FANCD2OS: variants seen among roughly 807,000 people sequenced by gnomAD.
The protein encoded by FANCD2OS is FANCD2 opposite strand, also known as FANCD2 opposite strand protein.
In FANCD2OS, 11 loss-of-function variants were observed where a neutral mutation model predicts 13.2. That is an observed-to-expected ratio of 0.83 (90% CI 0.52 to 1.38). The LOEUF (loss-of-function observed/expected upper bound fraction) is 1.38, where lower values mean the gene tolerates loss of function less well. Ranked by LOEUF, FANCD2OS falls within the 40% of genes most tolerant of loss-of-function variation. The pLI is 0.00. For synonymous variants in FANCD2OS, 69 were observed against 84.5 expected, an observed-to-expected ratio of 0.82 and a Z score of 1.01; for missense variants, 217 against 213.9, an observed-to-expected ratio of 1.01 and a Z score of -0.09.
chr3:10,088,624 AC>A (rs1694384879), intron 2 of FANCD2OS: 1 of 1,155,636 alleles, frequency 8.7e-7, no homozygotes, highest in African/African-American at 1.5e-5. Context: ...TGGACAAATG[AC>A]CTTTTTAGTG....
chr3:10,082,982 T>G (rs535838160), intron 2 of FANCD2OS, among the ~76,000 whole-genome samples: 1 of 152,272 alleles, frequency 6.6e-6, no homozygotes, highest in East Asian at 1.9e-4. Context: ...ATCCCAACAC[T>G]TTGGGAGGCC....
chr3:10,093,325 TGA>T, intron 2 of FANCD2OS: 1 of 1,610,864 alleles, frequency 6.2e-7, no homozygotes, highest in Non-Finnish European at 8.5e-7. Context: ...TGTTTGAAGG[TGA>T]GAGATTTACT....
downstream of FANCD2OS, chr3:10,101,633 T>G (rs1695306821): frequency 3.1e-6 from 1 of 321,468 alleles, no homozygotes; most frequent in African/African-American, 2.1e-5. Flanking sequence ...TCCACCTGCC[T>G]CAGCCTCCCA....
chr3:10,101,335 C>A, downstream of FANCD2OS: 1 of 1,091,340 alleles, frequency 9.2e-7, no homozygotes, highest in South Asian at 1.2e-5. Context: ...GTTTGAAATC[C>A]GCTGTTTGCC....
At chr3:10,098,624 A>G, downstream of FANCD2OS, 1 of 1,473,154 alleles carries the variant, frequency 6.8e-7, no homozygotes, top group Non-Finnish European at 9.3e-7. Context: ...TGGCTAAAAT[A>G]TCTTCCTTTG....
intron 2 of FANCD2OS, among the ~76,000 whole-genome samples, chr3:10,083,905 AAAG>A (rs1559401232): frequency 6.6e-6 from 1 of 151,286 alleles, no homozygotes; most frequent in African/African-American, 2.4e-5. Context: ...AAAAAAAAAA[AAAG>A]GTATGTCCAC....
rs545110166 is a variant in FANCD2OS at position 10,097,705 on chromosome 3, C to G, written c.*43+6493G>C. On this transcript the variant is annotated intron_variant, in intron 2 of 2. Transcript: ENST00000524279. ...GTCCTGAGACTATATACCTCCTTCT[C>G]GGCTGACAGGATTAAGACATTAAAG... Among the ~76,000 whole-genome samples the G allele has an allele frequency of 2.0e-5, 3 of 152,234 alleles. No homozygotes were observed. The South Asian group carries it at 6.2e-4, about 32-fold the overall frequency.
At chr3:10,092,225 CT>C in intron 2 of FANCD2OS, 1 of 1,613,814 alleles carries the variant, frequency 6.2e-7, no homozygotes, top group Non-Finnish European at 8.5e-7. Context: ...CTGTTCGAGA[CT>C]TCAGTATCCT....
At position 10,104,238 on chromosome 3, in the gene FANCD2OS, C is replaced by G. The variant is rs755309133; in HGVS notation, c.*3G>C. ...GAGTAAATGGGGATCAAATGAGGAC[C>G]CTTTACTTGGAGTGCTGCAAGGCAA... On this transcript the variant is annotated 3_prime_UTR_variant, in exon 2 of 2. Coordinates refer to ENST00000450660, the MANE Select transcript of FANCD2OS (RefSeq NM_001164839.2). 8 of 1,598,840 alleles carry G rather than the reference C, an allele frequency of 5.0e-6. No homozygotes were observed. In the South Asian group the frequency reaches 7.9e-5, roughly 16 times the overall value.
At chr3:10,094,939 A>G (rs527934206) in intron 2 of FANCD2OS, 1 of 500,204 alleles carries the variant, frequency 2.0e-6, no homozygotes, top group East Asian at 3.5e-5. Context: ...TGCAGATGGG[A>G]AAACTGAGAC....
At chr3:10,082,546 A>G (rs889607830) in intron 2 of FANCD2OS, among the ~76,000 whole-genome samples, 1 of 152,048 alleles carries the variant, frequency 6.6e-6, no homozygotes, top group Non-Finnish European at 1.5e-5. Context: ...TCCACTTATT[A>G]TGTTATACTC....
chr3:10,090,269 C>T lies in FANCD2OS; in HGVS notation c.*44-8738G>A, dbSNP rs530863250. Reference sequence around the variant, plus strand: ...TAAGCAGTGCATCATGGTGTGGGCACGCATGCTTTTCCCGTCTTCTAGGCA... The same window carrying T: ...TAAGCAGTGCATCATGGTGTGGGCATGCATGCTTTTCCCGTCTTCTAGGCA... On this transcript the variant is annotated intron_variant, in intron 2 of 2. Transcript: ENST00000524279. 1.9e-5 allele frequency: 30 copies of T among 1,561,714 alleles called. No homozygotes were observed. In the South Asian group the frequency reaches 2.9e-4, roughly 15 times the overall value.
rs371097813 is a variant in FANCD2OS, at chr3:10,092,121, A to C, written c.*44-10590T>G. ...ATTCAAGAACTATATCTTAGTGGGAATACAGTAAGGGAAGTATTTGGCTGT... is the reference window on the plus strand; with the variant it reads ...ATTCAAGAACTATATCTTAGTGGGACTACAGTAAGGGAAGTATTTGGCTGT... On this transcript the variant is annotated intron_variant, in intron 2 of 2. Coordinates refer to the FANCD2OS transcript ENST00000524279. 4.7e-4 allele frequency: 524 copies of C among 1,119,210 alleles called. 1 individual carries two copies. Among genetic ancestry groups the C allele is most frequent in the Non-Finnish European group, 6.6e-4 (478 of 728,412 alleles). 69.3% of individuals were successfully genotyped at this position (1,119,210 alleles called of 1,614,324 possible). A position where few individuals can be genotyped will look rare whatever the true frequency, so the allele number is the denominator to read the frequency against.
intron 2 of FANCD2OS, chr3:10,094,788 C>T (rs1478767790): frequency 6.4e-6 from 2 of 310,884 alleles, no homozygotes; most frequent in Non-Finnish European, 1.2e-5. Flanking sequence ...CCAATGGCAT[C>T]CAGGGCTAGA....
intron 2 of FANCD2OS, among the ~76,000 whole-genome samples, chr3:10,092,938 A>G (rs538337145): frequency 2.6e-5 from 4 of 151,938 alleles, no homozygotes; most frequent in Non-Finnish European, 5.9e-5. Flanking sequence ...GTGATCCACC[A>G]GCCTCAGCCT....
In FANCD2OS at chr3:10,087,622, TA is replaced by T. The variant is rs565950016; in HGVS notation, c.*44-6092del. Among the ~76,000 whole-genome samples, 111 of 152,136 alleles carry T rather than the reference TA, an allele frequency of 7.3e-4. 1 individual carries two copies. In the South Asian group the frequency reaches 0.018, roughly 25 times the overall value. On this transcript the variant is annotated intron_variant, in intron 2 of 2. Transcript: ENST00000524279. ...ATAAAGGAGAAATCAGGGTCAAGTA[TA>T]AAAGAAATACTGGCCTCTTCCCTGG...
In FANCD2OS at chr3:10,096,126, G is replaced by A. The variant is rs1694943704; in HGVS notation, c.*43+8072C>T. On this transcript the variant is annotated intron_variant, in intron 2 of 2. Transcript: ENST00000524279. ...ATGAAGAGGAACTAGAGGTGTTGGT[G>A]GTATGTCTTCTAGGCTTTGAATTCT... Among the ~76,000 whole-genome samples, 3 of 152,118 alleles carry A rather than the reference G, an allele frequency of 2.0e-5. No individual in the cohort carries two copies. In the South Asian group the frequency reaches 6.2e-4, roughly 32 times the overall value.
At chr3:10,089,149 G>T (rs750053115) in intron 2 of FANCD2OS, among the ~76,000 whole-genome samples, 22 of 152,054 alleles carry the variant, frequency 1.4e-4, no homozygotes, top group Non-Finnish European at 3.1e-4. Context: ...GCCGGGCGTG[G>T]TGGCACATGC....
At chr3:10,101,097 AG>A, downstream of FANCD2OS, 3 of 975,284 alleles carry the variant, frequency 3.1e-6, no homozygotes, top group East Asian at 7.3e-5. Context: ...CAGTGATAAT[AG>A]TACAGTTGTG....
Sources: allele counts gnomAD v4.1 joint callset (sites outside exome capture counted in the v4.1 genomes callset), GRCh38; gene constraint gnomAD v4.1.1; transcripts MANE v1.5; gene names NCBI Gene and HGNC (gene_info 2026-07-23, HGNC 2026-07-21).